Variants in SLC9A9 observed in about 807,000 individuals in gnomAD.
SLC9A9 encodes the protein sodium/hydrogen exchanger 9.
A neutral mutation model predicts 77.8 loss-of-function variants in SLC9A9; 62 were observed. The ratio of observed to expected loss-of-function variants is 0.80; its 90% CI spans 0.65 to 0.98. SLC9A9 has a LOEUF of 0.98. Ranked by LOEUF, SLC9A9 falls within the 50% of genes least tolerant of loss-of-function variation. SLC9A9 has a pLI of 0.00. For synonymous variants in SLC9A9, 320 were observed against 283.5 expected, an observed-to-expected ratio of 1.13 and a Z score of -1.29; for missense variants, 775 against 774.9, an observed-to-expected ratio of 1.00 and a Z score of 0.00.
At chr3:143,644,421 G>A (rs997221690) in intron 6 of SLC9A9, among the ~76,000 whole-genome samples, 9 of 152,210 alleles carry the variant, frequency 5.9e-5, no homozygotes, top group Non-Finnish European at 1.0e-4. Flanking sequence ...GATCTCATCC[G>A]TGAGACAAAA....
At chr3:143,378,633 T>C (rs1466530577) in intron 13 of SLC9A9, among the ~76,000 whole-genome samples, 2 of 152,194 alleles carry the variant, frequency 1.3e-5, no homozygotes, top group Admixed American at 6.5e-5. Flanking sequence ...GGTGCTCCAG[T>C]GACTCTCACC....
At chr3:143,754,163 C>G (rs2006845064) in intron 4 of SLC9A9, among the ~76,000 whole-genome samples, 1 of 152,094 alleles carries the variant, frequency 6.6e-6, no homozygotes, top group East Asian at 1.9e-4. Context: ...GATTCCACAG[C>G]AGGGGAGAAG....
chr3:143,374,005 G>A (rs1014245332), intron 13 of SLC9A9, among the ~76,000 whole-genome samples: 20 of 151,908 alleles, frequency 1.3e-4, no homozygotes, highest in African/African-American at 4.8e-5. Context: ...AAGAAAACTA[G>A]GCATATAAGA....
intron 5 of SLC9A9, among the ~76,000 whole-genome samples, chr3:143,652,865 C>A (rs1306473943): frequency 1.3e-5 from 2 of 151,316 alleles, no homozygotes; most frequent in Admixed American, 6.6e-5. Context: ...TTTCAACTGT[C>A]CCCCTCCCAA....
At chr3:143,636,228 A>G (rs1407605336) in intron 6 of SLC9A9, among the ~76,000 whole-genome samples, 1 of 152,080 alleles carries the variant, frequency 6.6e-6, no homozygotes, top group Non-Finnish European at 1.5e-5. Context: ...TTATTATTTA[A>G]TGTTATTCTA....
At chr3:143,648,132 AT>A (rs1243753599) in intron 6 of SLC9A9, among the ~76,000 whole-genome samples, 1 of 152,012 alleles carries the variant, frequency 6.6e-6, no homozygotes, top group Non-Finnish European at 1.5e-5. Context: ...ATATTACTTT[AT>A]TTATTACTCA....
intron 11 of SLC9A9, among the ~76,000 whole-genome samples, chr3:143,471,900 T>C (rs2035384066): frequency 6.6e-6 from 1 of 152,186 alleles, no homozygotes; most frequent in South Asian, 2.1e-4. Flanking sequence ...TTCATAACAA[T>C]AGAAAACTAT....
At chr3:143,305,086 A>C (rs1268738195) in intron 14 of SLC9A9, among the ~76,000 whole-genome samples, 1 of 152,198 alleles carries the variant, frequency 6.6e-6, no homozygotes, top group Admixed American at 6.5e-5. Flanking sequence ...TAAGGGAGTG[A>C]TAAGGCAAAA....
At chr3:143,312,858 G>A (rs1024811832) in intron 14 of SLC9A9, among the ~76,000 whole-genome samples, 2 of 152,074 alleles carry the variant, frequency 1.3e-5, no homozygotes, top group South Asian at 2.1e-4. Context: ...TCTAACCCTC[G>A]CTTTACGTCG....
At chr3:143,795,294 A>C (rs73158078) in intron 3 of SLC9A9, among the ~76,000 whole-genome samples, 6 of 147,876 alleles carry the variant, frequency 4.1e-5, no homozygotes, top group South Asian at 2.2e-4. Flanking sequence ...AAAAAAAAAA[A>C]AAAAAACCCA....
Position 143,507,623 on chromosome 3 carries a change from A to C in SLC9A9, c.1090-12175T>G, listed in dbSNP as rs1460641702. 5.9e-5 allele frequency among the ~76,000 whole-genome samples: 9 copies of C among 152,228 alleles called. No individual in the cohort carries two copies. The East Asian group carries it at 1.3e-3, about 23-fold the overall frequency. On this transcript the variant is annotated intron_variant, in intron 9 of 15. Transcript: ENST00000316549. ...CATAGTTTACATAAATGTTCACTCT[A>C]GGTGTTAAACATTACTTGTGTATCT...
chr3:143,753,499 T>C (rs2006816243), intron 4 of SLC9A9, among the ~76,000 whole-genome samples: 1 of 152,224 alleles, frequency 6.6e-6, no homozygotes, highest in Admixed American at 6.5e-5. Flanking sequence ...AACAGAGGTC[T>C]TTCCCCTTGC....
chr3:143,284,708 G>A (rs907786794), intron 14 of SLC9A9, among the ~76,000 whole-genome samples: 2 of 152,024 alleles, frequency 1.3e-5, no homozygotes, highest in African/African-American at 4.8e-5. Context: ...CAACCTAATA[G>A]TACCTCAGTG....
intron 12 of SLC9A9, among the ~76,000 whole-genome samples, chr3:143,436,080 C>T (rs1263130686): frequency 6.6e-6 from 1 of 152,200 alleles, no homozygotes; most frequent in Non-Finnish European, 1.5e-5. Context: ...TTTCCTTCTG[C>T]CCTTCTGCTC....
chr3:143,701,228 C>T (rs1933792403), intron 4 of SLC9A9, among the ~76,000 whole-genome samples: 1 of 152,150 alleles, frequency 6.6e-6, no homozygotes, highest in South Asian at 2.1e-4. Flanking sequence ...AAATAGCCAA[C>T]TGTTAAATGC....
intron 14 of SLC9A9, among the ~76,000 whole-genome samples, chr3:143,286,922 A>C (rs1234792222): frequency 6.6e-6 from 1 of 152,192 alleles, no homozygotes; most frequent in African/African-American, 2.4e-5. Context: ...AAGCAAAATG[A>C]GGCTCCACTA....
chr3:143,597,991 C>G (rs745842405), intron 6 of SLC9A9, among the ~76,000 whole-genome samples: 2 of 152,160 alleles, frequency 1.3e-5, no homozygotes, highest in Non-Finnish European at 2.9e-5. Flanking sequence ...GTATCGAGAG[C>G]TGTTGTCAAC....
rs144959487 is a variant in SLC9A9 at position 143,275,951 on chromosome 3, G to A, written c.1605-6971C>T. Among the ~76,000 whole-genome samples, 210 of 152,236 alleles carry A rather than the reference G, an allele frequency of 1.4e-3. 1 individual carries two copies. The highest frequency in any genetic ancestry group is 3.8e-3 in the African/African-American group (157 of 41,538). On this transcript the variant is annotated intron_variant, in intron 14 of 15. Transcript: ENST00000316549. Reference sequence around the variant, plus strand: ...TTCTAAGCTTCAGAGTTCTCTCTTCGGTTGTTTTTTCACAGTGTGAAATAT... The same window carrying A: ...TTCTAAGCTTCAGAGTTCTCTCTTCAGTTGTTTTTTCACAGTGTGAAATAT...
intron 4 of SLC9A9, among the ~76,000 whole-genome samples, chr3:143,734,407 A>C (rs536161367): frequency 6.6e-5 from 10 of 152,088 alleles, no homozygotes; most frequent in Middle Eastern, 3.4e-3. Context: ...ATACATAAAA[A>C]CCCTTTTAAA....
Sources: gnomAD v4.1 joint callset for allele counts (sites outside exome capture counted in the v4.1 genomes callset) on GRCh38, gnomAD v4.1.1 for gene constraint, MANE v1.5 for transcripts, NCBI Gene and HGNC (gene_info 2026-07-23, HGNC 2026-07-21) for gene names.